The following NOL4 variants were observed in gnomAD, a reference collection of about 807,000 sequenced individuals.
NOL4 encodes nucleolar protein 4.
NOL4 carries 17 observed loss-of-function variants against 75.9 expected under a neutral mutation model. The ratio of observed to expected loss-of-function variants is 0.22; its 90% CI spans 0.15 to 0.34. The LOEUF (loss-of-function observed/expected upper bound fraction) is 0.34, where lower values mean the gene tolerates loss of function less well. NOL4 is among the 10% of genes least tolerant of loss of function. NOL4 has a pLI of 1.00. For synonymous variants in NOL4, 292 were observed against 289.9 expected, an observed-to-expected ratio of 1.01 and a Z score of -0.07; for missense variants, 614 against 793.5, an observed-to-expected ratio of 0.77 and a Z score of 2.72.
intron 5 of NOL4, among the ~76,000 whole-genome samples, chr18:34,030,352 G>A (rs72957375): frequency 0.083 from 12,686 of 152,182 alleles, 681 homozygotes; most frequent in Non-Finnish European, 0.13. Context: ...TGGGGGTATG[G>A]AGAGGAAACA....
At chr18:34,103,751 G>A (rs2079144331) in intron 4 of NOL4, among the ~76,000 whole-genome samples, 1 of 151,824 alleles carries the variant, frequency 6.6e-6, no homozygotes, top group Non-Finnish European at 1.5e-5. Flanking sequence ...TACCCCCTCT[G>A]AACTTTGTAG....
At chr18:34,205,218 A>G (rs1028332969) in intron 1 of NOL4, among the ~76,000 whole-genome samples, 5 of 152,178 alleles carry the variant, frequency 3.3e-5, no homozygotes, top group Admixed American at 6.6e-5. Context: ...CATGAACAAT[A>G]GACCTGAAGG....
In NOL4 at chr18:33,902,155, G is replaced by T. The variant is rs370851899; in HGVS notation, c.1543-18731C>A. ...AAACAATTTTGATGTGATTCAGTTA[G>T]TTTTTTTTTTAAAAGGGAATTATTT... is the stretch of plus-strand genomic sequence containing the variant. On this transcript the variant is annotated intron_variant, in intron 9 of 10. Transcript: ENST00000261592. Among the ~76,000 whole-genome samples the T allele has an allele frequency of 3.4e-5, 5 of 149,238 alleles. No homozygotes were observed. In the East Asian group the frequency reaches 5.9e-4, roughly 18 times the overall value.
intron 7 of NOL4, 57 bp from the exon 8 acceptor site, chr18:33,957,574 C>G (rs1213490624): frequency 1.5e-6 from 2 of 1,345,576 alleles, no homozygotes; most frequent in Non-Finnish European, 2.1e-6. Flanking sequence ...TCTTCTGTTC[C>G]TAGCTTCCTG....
intron 6 of NOL4, among the ~76,000 whole-genome samples, chr18:34,001,391 T>C (rs1260334895): frequency 2.0e-5 from 3 of 152,166 alleles, no homozygotes; most frequent in African/African-American, 7.2e-5. Flanking sequence ...CCCATACCTA[T>C]AGCATTAGCT....
At chr18:34,220,719 C>G (rs1192892744) in intron 1 of NOL4, among the ~76,000 whole-genome samples, 1 of 152,156 alleles carries the variant, frequency 6.6e-6, no homozygotes, top group Non-Finnish European at 1.5e-5. Flanking sequence ...TAGACGAGTT[C>G]ATAAATTAAA....
chr18:34,017,883 C>T (rs1256199875), intron 6 of NOL4, among the ~76,000 whole-genome samples: 6 of 152,078 alleles, frequency 3.9e-5, no homozygotes, highest in Admixed American at 1.3e-4. Context: ...TTCTTCTCTT[C>T]TAGGCTCATT....
At chr18:34,169,466 G>GAA (rs35084288) in intron 1 of NOL4, among the ~76,000 whole-genome samples, 135 of 128,846 alleles carry the variant, frequency 1.0e-3, no homozygotes, top group South Asian at 1.8e-3. Context: ...GGGCAAACAG[G>GAA]AAAAAAAAAA....
chr18:34,074,678 T>A (rs894918887), intron 5 of NOL4, among the ~76,000 whole-genome samples: 2 of 152,032 alleles, frequency 1.3e-5, no homozygotes, highest in Admixed American at 1.3e-4. Context: ...TAAGGGAATA[T>A]TAGGGCACAG....
At chr18:34,059,122 CATATATATATATATATATAT>C (rs55773398) in intron 5 of NOL4, among the ~76,000 whole-genome samples, 9 of 118,210 alleles carry the variant, frequency 7.6e-5, no homozygotes, top group East Asian at 3.1e-4. Flanking sequence ...GATAGATATA[CATATATATATATATATATAT>C]ATATATATAT....
Position 34,162,823 on chromosome 18 carries a change from T to C in NOL4, c.265-32803A>G, listed in dbSNP as rs977921810. Reference sequence around the variant, plus strand: ...TTTTAGACCAATATCCTGATGAACATTGATGCAAAAATCCTCAGTGAAATA... The same window carrying C: ...TTTTAGACCAATATCCTGATGAACACTGATGCAAAAATCCTCAGTGAAATA... On this transcript the variant is annotated intron_variant, in intron 1 of 10. Coordinates refer to ENST00000261592, the MANE Select transcript of NOL4 (RefSeq NM_003787.5). Among the ~76,000 whole-genome samples the C allele has an allele frequency of 5.9e-5, 9 of 152,174 alleles. No individual in the cohort carries two copies. In the South Asian group the frequency reaches 1.0e-3, roughly 18 times the overall value.
At chr18:33,984,028 C>A (rs2072224200) in intron 6 of NOL4, among the ~76,000 whole-genome samples, 1 of 151,952 alleles carries the variant, frequency 6.6e-6, no homozygotes, top group Non-Finnish European at 1.5e-5. Flanking sequence ...GGGTTTCAAC[C>A]AAGATATAGC....
Position 34,024,445 on chromosome 18 carries a change from T to C in NOL4, c.773-4844A>G, listed in dbSNP as rs56131467. ...CTTGCTGAAAAGATTAGTACCTTCA[T>C]ATCCAAAAAAGAAAAAAAATTAAAA... On this transcript the variant is annotated intron_variant, in intron 5 of 10. Transcript: ENST00000261592. Among the ~76,000 whole-genome samples the C allele has an allele frequency of 7.7e-3, 1,167 of 151,616 alleles. 12 individuals carry two copies. The highest frequency in any genetic ancestry group is 0.027 in the African/African-American group (1,099 of 41,330).
chr18:34,194,081 G>C (rs1031936447), intron 1 of NOL4, among the ~76,000 whole-genome samples: 1 of 152,112 alleles, frequency 6.6e-6, no homozygotes, highest in African/African-American at 2.4e-5. Context: ...GTGGGGGATA[G>C]GGGTTGGGGA....
At chr18:34,187,489 G>T (rs1431071981) in intron 1 of NOL4, among the ~76,000 whole-genome samples, 1 of 146,794 alleles carries the variant, frequency 6.8e-6, no homozygotes, top group Non-Finnish European at 1.5e-5. Flanking sequence ...CCATTCTCCT[G>T]CCTCAGCCTC....
At chr18:33,930,810 T>A (rs904491705) in intron 9 of NOL4, among the ~76,000 whole-genome samples, 1 of 151,974 alleles carries the variant, frequency 6.6e-6, no homozygotes, top group African/African-American at 2.4e-5. Flanking sequence ...AAAAAGAATA[T>A]AAATGTATAT....
intron 4 of NOL4, among the ~76,000 whole-genome samples, chr18:34,102,457 A>C (rs2079082272): frequency 6.6e-6 from 1 of 152,072 alleles, no homozygotes; most frequent in Non-Finnish European, 1.5e-5. Context: ...ATTTTCTAAA[A>C]ATTTTGCAAA....
chr18:34,084,307 T>C (rs1254923888), intron 5 of NOL4, among the ~76,000 whole-genome samples: 1 of 152,072 alleles, frequency 6.6e-6, no homozygotes, highest in African/African-American at 2.4e-5. Flanking sequence ...CGGTCGCCCT[T>C]CCTCCTAGGG....
rs537688728 is a variant in NOL4, at chr18:34,190,008, T to C, written c.264+32982A>G. On this transcript the variant is annotated intron_variant, in intron 1 of 10. Coordinates refer to ENST00000261592, the MANE Select transcript of NOL4 (RefSeq NM_003787.5). ...ATGCATATATATATATACACACATA[T>C]ATAGCTTGTTATATATATAACATAT... is the stretch of plus-strand genomic sequence containing the variant. 3.1e-3 allele frequency among the ~76,000 whole-genome samples: 461 copies of C among 150,130 alleles called. 5 individuals are homozygous for C. The highest frequency in any genetic ancestry group is 0.011 in the African/African-American group (447 of 41,150).
Sources: gnomAD v4.1 joint callset for allele counts (sites outside exome capture counted in the v4.1 genomes callset) on GRCh38, gnomAD v4.1.1 for gene constraint, MANE v1.5 for transcripts, NCBI Gene and HGNC (gene_info 2026-07-23, HGNC 2026-07-21) for gene names.